Variants in PCDHGB5 observed in about 807,000 individuals in gnomAD.
PCDHGB5 encodes the protein protocadherin gamma-B5.
A neutral mutation model predicts 62.9 loss-of-function variants in PCDHGB5; 48 were observed. The observed-to-expected ratio is 0.76, with a 90% confidence interval of 0.61 to 0.97. PCDHGB5 has a LOEUF of 0.97. PCDHGB5 is among the 50% of genes least tolerant of loss of function. PCDHGB5 has a pLI of 0.00. For synonymous variants in PCDHGB5, 474 were observed against 511.2 expected (o/e 0.93, Z 0.98); for missense variants, 1,118 against 1,198.6 (o/e 0.93, Z 0.99).
intron 3 of PCDHGB5, among the ~76,000 whole-genome samples, chr5:141,510,660 G>A (rs2099882170): frequency 1.3e-5 from 2 of 152,174 alleles, no homozygotes; most frequent in East Asian, 1.9e-4. Context: ...TTTTGCAGAT[G>A]AGAAAACTGA....
chr5:141,494,037 T>C (rs2099751443), intron 1 of PCDHGB5, among the ~76,000 whole-genome samples: 1 of 152,146 alleles, frequency 6.6e-6, no homozygotes, highest in South Asian at 2.1e-4. Context: ...GAGACTTAGT[T>C]GGCCCTGCTT....
rs376101780 is a variant in PCDHGB5, at chr5:141,485,901, A to G, written c.2398-8906A>G. 3 of 1,614,026 alleles carry G rather than the reference A, an allele frequency of 1.9e-6. No homozygotes were observed. In the African/African-American group the frequency reaches 4.0e-5, roughly 22 times the overall value. Reference sequence around the variant, plus strand: ...GTAAACGACAACGCCCCAGCCTTCCAGCAATCCAGCTACAGGATTAGTGTG... The same window carrying G: ...GTAAACGACAACGCCCCAGCCTTCCGGCAATCCAGCTACAGGATTAGTGTG... On this transcript the variant is annotated intron_variant, in intron 1 of 3. Coordinates refer to ENST00000617380, the MANE Select transcript of PCDHGB5 (RefSeq NM_018925.3). This position sits in a 1 kb window ranked among gnomAD's most constrained non-coding sequence, Gnocchi z 5.7.
chr5:141,420,826 C>G (rs1246534925), intron 1 of PCDHGB5, among the ~76,000 whole-genome samples: 1 of 152,216 alleles, frequency 6.6e-6, no homozygotes, highest in Non-Finnish European at 1.5e-5. Flanking sequence ...AATAATTACT[C>G]CTTTCGCAGG....
intron 2 of PCDHGB5, among the ~76,000 whole-genome samples, chr5:141,499,885 G>A (rs945162089): frequency 2.6e-5 from 4 of 151,850 alleles, no homozygotes; most frequent in Non-Finnish European, 4.4e-5. Flanking sequence ...ACAGGGTTTC[G>A]CCATGTTGGC....
chr5:141,434,027 G>A (rs887125944), intron 1 of PCDHGB5, among the ~76,000 whole-genome samples: 3 of 152,130 alleles, frequency 2.0e-5, no homozygotes, highest in Non-Finnish European at 2.9e-5. Flanking sequence ...GATTCTGGAA[G>A]CATGGTTTTC....
At chr5:141,403,811 A>C in intron 1 of PCDHGB5, 1 of 1,613,930 alleles carries the variant, frequency 6.2e-7, no homozygotes, top group Non-Finnish European at 8.5e-7. Flanking sequence ...AATTAATGAA[A>C]AACAATCTCT....
At chr5:141,484,878 G>C (rs2099602522) in intron 1 of PCDHGB5, 1 of 341,888 alleles carries the variant, frequency 2.9e-6, no homozygotes, top group Non-Finnish European at 5.3e-6. Flanking sequence ...TGGAGGATAG[G>C]GTGGGCTTTT....
intron 2 of PCDHGB5, among the ~76,000 whole-genome samples, chr5:141,495,922 C>G (rs1263216717): frequency 6.6e-6 from 1 of 152,100 alleles, no homozygotes; most frequent in Non-Finnish European, 1.5e-5. Context: ...CTTTCTTTGT[C>G]TCTGTCTCTG....
At chr5:141,436,074 G>A (rs1048063491) in intron 1 of PCDHGB5, among the ~76,000 whole-genome samples, 3 of 152,058 alleles carry the variant, frequency 2.0e-5, no homozygotes, top group Non-Finnish European at 4.4e-5. Context: ...TAAGTACAGT[G>A]TTCTATAGGT....
intron 1 of PCDHGB5, chr5:141,422,813 TAGAACTG>T: frequency 6.2e-7 from 1 of 1,614,192 alleles, no homozygotes; most frequent in Non-Finnish European, 8.5e-7. Flanking sequence ...TTTCGAGACT[TAGAACTG>T]AGAGTGATAG....
At position 141,419,393 on chromosome 5, in the gene PCDHGB5, G is replaced by A. The variant is rs1226844501; in HGVS notation, c.2397+18869G>A. On this transcript the variant is annotated intron_variant, in intron 1 of 3. Transcript: ENST00000617380. The stretch of plus-strand genomic sequence containing the variant: ...CTACGTGTCCGTGAGCGCGCAGAGC[G>A]GGGTGGTGTTCGCGCAGCGCGCCTT... 6.2e-7 allele frequency: 1 copy of A among 1,613,502 alleles called. No homozygotes were observed. Among genetic ancestry groups the A allele is most frequent in the Non-Finnish European group, 8.5e-7 (1 of 1,179,920 alleles).
Position 141,476,263 on chromosome 5 carries a change from C to T in PCDHGB5, c.2398-18544C>T. 1 of 1,613,940 alleles carries T rather than the reference C, an allele frequency of 6.2e-7. No individual in the cohort carries two copies. The highest frequency in any genetic ancestry group is 8.5e-7 in the Non-Finnish European group (1 of 1,180,010). Reference sequence around the variant, plus strand: ...GAGAGAAGGGTTTCGCTGTGGGCAACGTGGTCGCGAACCTTGGTTTGGATC... The same window carrying T: ...GAGAGAAGGGTTTCGCTGTGGGCAATGTGGTCGCGAACCTTGGTTTGGATC... On this transcript the variant is annotated intron_variant, in intron 1 of 3. Transcript: ENST00000617380. The surrounding 1 kb of genome is among the most constrained non-coding windows in gnomAD (Gnocchi z 7.6).
chr5:141,405,376 G>A lies in PCDHGB5; in HGVS notation c.2397+4852G>A, dbSNP rs567557596. On this transcript the variant is annotated intron_variant, in intron 1 of 3. Coordinates refer to ENST00000617380, the MANE Select transcript of PCDHGB5 (RefSeq NM_018925.3). The stretch of plus-strand genomic sequence containing the variant: ...CTATAGAAGACACCCCTTTGGTTCC[G>A]GTGAGTTCATTTTTTTTCTTTCTTT... The A allele has an allele frequency of 4.3e-4, 696 of 1,602,156 alleles. 3 individuals carry two copies. In the South Asian group the frequency reaches 6.8e-3, roughly 16 times the overall value.
At position 141,431,850 on chromosome 5, in the gene PCDHGB5, C is replaced by T; in HGVS notation, c.2397+31326C>T. On this transcript the variant is annotated intron_variant, in intron 1 of 3. Transcript: ENST00000617380. The surrounding 1 kb of genome is among the most constrained non-coding windows in gnomAD (Gnocchi z 4.8). ...GTTCCCGAAAACTCTCCCAGAGGGA[C>T]ATTAATTGCCCTTTTAAATGTAAAT... The T allele has an allele frequency of 1.9e-6, 3 of 1,614,234 alleles. No homozygotes were observed. The highest frequency in any genetic ancestry group is 2.2e-5 in the South Asian group (2 of 91,090).
chr5:141,492,220 C>T (rs1388948434), intron 1 of PCDHGB5, among the ~76,000 whole-genome samples: 2 of 152,190 alleles, frequency 1.3e-5, no homozygotes, highest in Non-Finnish European at 1.5e-5. Context: ...GGGGCTCATG[C>T]GTGTCCTCCC....
intron 1 of PCDHGB5, among the ~76,000 whole-genome samples, chr5:141,401,078 T>A (rs2094109579): frequency 6.6e-6 from 1 of 152,226 alleles, no homozygotes; most frequent in South Asian, 2.1e-4. Flanking sequence ...GTGCAGTGGC[T>A]CATGCCTGTA....
chr5:141,459,139 A>G (rs1592605909), intron 1 of PCDHGB5, among the ~76,000 whole-genome samples: 1 of 152,360 alleles, frequency 6.6e-6, no homozygotes, highest in Non-Finnish European at 1.5e-5. Flanking sequence ...ACCACCATGC[A>G]ATCAAAATAT....
At chr5:141,464,556 G>A (rs1158827360) in intron 1 of PCDHGB5, among the ~76,000 whole-genome samples, 4 of 151,990 alleles carry the variant, frequency 2.6e-5, no homozygotes, top group Admixed American at 6.6e-5. Flanking sequence ...TCCCCATCTT[G>A]CATTCCTACA....
chr5:141,401,158 A>AT (rs1314149261), intron 1 of PCDHGB5, among the ~76,000 whole-genome samples: 1 of 152,194 alleles, frequency 6.6e-6, no homozygotes, highest in Non-Finnish European at 1.5e-5. Context: ...CCTGGGCAAT[A>AT]TGGTGAAAAC....
Sources: allele counts gnomAD v4.1 joint callset (sites outside exome capture counted in the v4.1 genomes callset), GRCh38; gene constraint gnomAD v4.1.1; non-coding constraint Gnocchi (gnomAD v3.1); transcripts MANE v1.5; gene names NCBI Gene and HGNC (gene_info 2026-07-23, HGNC 2026-07-21).